RBFOX1: variants seen among roughly 807,000 people sequenced by gnomAD.
RBFOX1 encodes RNA binding fox-1 homolog 1, also known as RNA binding protein fox-1 homolog 1.
RBFOX1 carries 8 observed loss-of-function variants against 57.7 expected under a neutral mutation model. The ratio of observed to expected loss-of-function variants is 0.14; its 90% CI spans 0.08 to 0.25. The LOEUF (loss-of-function observed/expected upper bound fraction) is 0.25. RBFOX1 is among the 10% of genes least tolerant of loss of function. The pLI is 1.00. For missense variants in RBFOX1, 611 were observed against 548.5 expected (o/e 1.11, Z -1.14); for synonymous variants, 326 against 222.4 (o/e 1.47, Z -4.15).
At chr16:5,569,044 G>A (rs1352810025) in intron 2 of RBFOX1, among the ~76,000 whole-genome samples, 9 of 150,306 alleles carry the variant, frequency 6.0e-5, no homozygotes, top group Middle Eastern at 3.2e-3. Flanking sequence ...TAGAGGCAGG[G>A]TTTCATCATA....
At chr16:6,670,102 A>T (rs556387618) in intron 3 of RBFOX1, among the ~76,000 whole-genome samples, 1 of 152,188 alleles carries the variant, frequency 6.6e-6, no homozygotes, top group East Asian at 1.9e-4. Flanking sequence ...GCTCACTGCA[A>T]CCTCACCCTC....
rs865862216 is a variant in RBFOX1, at chr16:7,385,962, T to A, written c.28-132185T>A. ...TATTTATTTATTTATTTATTTATTT[T>A]TTATTTTTAGTAGAGACGGAGTTTC... On this transcript the variant is annotated intron_variant, in intron 4 of 15. Coordinates refer to ENST00000550418, the MANE Select transcript of RBFOX1 (RefSeq NM_018723.4). Among the ~76,000 whole-genome samples the A allele has an allele frequency of 1.0e-4, 8 of 76,252 alleles. No homozygotes were observed. The South Asian group carries it at 1.2e-3, about 12-fold the overall frequency. The allele number at this position is 76,252 out of a possible 152,430, so 50.0% of individuals were successfully genotyped here.
chr16:7,110,997 GT>G (rs773684672), intron 4 of RBFOX1, among the ~76,000 whole-genome samples: 1 of 152,060 alleles, frequency 6.6e-6, no homozygotes, highest in Non-Finnish European at 1.5e-5. Flanking sequence ...GTCTTCATTT[GT>G]TTGTTGTTTT....
At chr16:7,298,454 G>T (rs1225015550) in intron 4 of RBFOX1, among the ~76,000 whole-genome samples, 1 of 151,834 alleles carries the variant, frequency 6.6e-6, no homozygotes, top group Non-Finnish European at 1.5e-5. Flanking sequence ...ATGCCTGAGG[G>T]CTAATTTTTG....
At chr16:6,073,166 T>C (rs1003365249) in intron 1 of RBFOX1, among the ~76,000 whole-genome samples, 2 of 152,308 alleles carry the variant, frequency 1.3e-5, no homozygotes, top group South Asian at 4.1e-4. Context: ...TGGCCACAAG[T>C]TGATAACTAA....
intron 3 of RBFOX1, among the ~76,000 whole-genome samples, chr16:5,734,108 C>A: frequency 6.6e-6 from 1 of 152,150 alleles, no homozygotes; most frequent in East Asian, 1.9e-4. Flanking sequence ...TACGCCCTAC[C>A]TGGTTTCATG....
intron 4 of RBFOX1, among the ~76,000 whole-genome samples, chr16:7,290,434 A>G (rs1213102960): frequency 1.3e-5 from 2 of 152,214 alleles, no homozygotes; most frequent in African/African-American, 2.4e-5. Flanking sequence ...TCTGGAATGT[A>G]AGCTCCATGT....
intron 1 of RBFOX1, among the ~76,000 whole-genome samples, chr16:5,329,116 T>C (rs1161729386): frequency 6.6e-6 from 1 of 152,238 alleles, no homozygotes; most frequent in Admixed American, 6.5e-5. Context: ...CGTTATTATT[T>C]CCATTTATAA....
At chr16:6,131,862 G>A (rs2167473) in intron 1 of RBFOX1, among the ~76,000 whole-genome samples, 3 of 152,140 alleles carry the variant, frequency 2.0e-5, no homozygotes, top group Admixed American at 2.0e-4. Flanking sequence ...GCTCTCTGTA[G>A]GCGGCTGTTT....
chr16:6,719,020 C>T (rs552411793), intron 3 of RBFOX1, among the ~76,000 whole-genome samples: 6 of 152,040 alleles, frequency 3.9e-5, no homozygotes, highest in Admixed American at 1.3e-4. Flanking sequence ...TGTATTTCAA[C>T]GTGCCTGGCT....
At chr16:6,894,677 A>C (rs1039234938) in intron 3 of RBFOX1, among the ~76,000 whole-genome samples, 1 of 152,196 alleles carries the variant, frequency 6.6e-6, no homozygotes, top group Non-Finnish European at 1.5e-5. Flanking sequence ...TAAGAAACTG[A>C]TAGCCTCGAC....
At chr16:6,645,276 C>T (rs1294496981) in intron 2 of RBFOX1, among the ~76,000 whole-genome samples, 1 of 152,176 alleles carries the variant, frequency 6.6e-6, no homozygotes, top group African/African-American at 2.4e-5. Context: ...CAAACAAGGT[C>T]ACATTCACAG....
chr16:6,010,174 G>T (rs1596397747), intron 4 of RBFOX1, among the ~76,000 whole-genome samples: 4 of 152,036 alleles, frequency 2.6e-5, no homozygotes, highest in Admixed American at 1.3e-4. Context: ...ATGCAGGCTG[G>T]ACTTCCAAAT....
At chr16:7,378,503 C>G (rs1318807320) in intron 4 of RBFOX1, among the ~76,000 whole-genome samples, 1 of 151,934 alleles carries the variant, frequency 6.6e-6, no homozygotes, top group Non-Finnish European at 1.5e-5. Flanking sequence ...ACATTTCTGT[C>G]TTGGGTGATT....
At chr16:6,483,187 G>A (rs553224021) in intron 2 of RBFOX1, 1 of 1,153,338 alleles carries the variant, frequency 8.7e-7, no homozygotes, top group Admixed American at 5.1e-5. Flanking sequence ...GCGTTTTGGC[G>A]CGGACAGAGG....
intron 3 of RBFOX1, among the ~76,000 whole-genome samples, chr16:6,878,340 C>T (rs142284179): frequency 3.9e-5 from 6 of 152,108 alleles, no homozygotes; most frequent in Admixed American, 1.3e-4. Flanking sequence ...CATTTTATTG[C>T]TGATGCAAGA....
At chr16:6,718,275 G>C (rs1036731647) in intron 3 of RBFOX1, among the ~76,000 whole-genome samples, 1 of 152,150 alleles carries the variant, frequency 6.6e-6, no homozygotes, top group Middle Eastern at 3.2e-3. Context: ...TATTCCACGT[G>C]CTGGGGTTGG....
In RBFOX1 at chr16:6,986,184, TTTTATTTATTTA is replaced by T. The variant is rs201088154; in HGVS notation, c.-15-65853_-15-65842del. ...GTCTACCAGAATCACCAATTTCTAT[TTTTATTTATTTA>T]TTTATTTATTTATTTATTTTCTGAG... On this transcript the variant is annotated intron_variant, in intron 3 of 15. Transcript: ENST00000550418. Among the ~76,000 whole-genome samples, 282 of 144,222 alleles carry T rather than the reference TTTTATTTATTTA, an allele frequency of 2.0e-3. 1 individual carries two copies. In the Middle Eastern group the frequency reaches 0.025, roughly 13 times the overall value. 94.6% of individuals were successfully genotyped at this position (144,222 alleles called of 152,430 possible). A position where few individuals can be genotyped will look rare whatever the true frequency, so the allele number is the denominator to read the frequency against.
At chr16:7,582,806 C>G (rs2093877307) in intron 6 of RBFOX1, among the ~76,000 whole-genome samples, 1 of 152,166 alleles carries the variant, frequency 6.6e-6, no homozygotes, top group African/African-American at 2.4e-5. Context: ...TCACAAAGAT[C>G]TTTGTGCTTT....
Sources: gnomAD v4.1 joint callset for allele counts (sites outside exome capture counted in the v4.1 genomes callset) on GRCh38, gnomAD v4.1.1 for gene constraint, MANE v1.5 for transcripts, NCBI Gene and HGNC (gene_info 2026-07-23, HGNC 2026-07-21) for gene names.